NAGLU: variants seen among roughly 807,000 people sequenced by gnomAD.
NAGLU encodes the protein N-acetyl-alpha-glucosaminidase.
NAGLU carries 34 observed loss-of-function variants against 43.4 expected under a neutral mutation model. The observed-to-expected ratio is 0.78, with a 90% CI of 0.60 to 1.04. The LOEUF (loss-of-function observed/expected upper bound fraction) is 1.04, where lower values mean the gene tolerates loss of function less well. Among genes scored for constraint, NAGLU ranks in the 50% least tolerant of loss-of-function variants. NAGLU has a pLI of 0.00. For synonymous variants in NAGLU, 425 were observed against 437.6 expected (o/e 0.97, Z 0.36); for missense variants, 910 against 993.7 (o/e 0.92, Z 1.13).
rs561228142 is a variant in NAGLU, at chr17:42,536,700, C to T, written c.383+45C>T. 462 of 1,386,316 alleles carry T rather than the reference C, an allele frequency of 3.3e-4. 2 individuals are homozygous for T. In the Middle Eastern group the frequency reaches 3.6e-3, roughly 11 times the overall value. The allele number at this position is 1,386,316 out of a possible 1,614,324, so 85.9% of individuals were successfully genotyped here. On this transcript the variant is annotated intron_variant, in intron 1 of 5. Coordinates refer to ENST00000225927, the MANE Select transcript of NAGLU (RefSeq NM_000263.4). ...CCGCGTCCGCCCGAGGCGCTTACCC[C>T]CTCCCGGAGCCGCTGCCACCCAAAT...
At position 42,538,731 on chromosome 17, in the gene NAGLU, G is replaced by C; in HGVS notation, c.740G>C (p.Gly247Ala). Residue 247 changes from glycine to alanine, a missense_variant, in exon 4 of 6, where the codon GGG (glycine) becomes GCG (alanine). Physicochemically the swap from Gly to Ala is moderately conservative, Grantham distance 60. Transcript: ENST00000225927. ...ACCCCAGTGCTGCCTGCATTCGCGG[G>C]GCATGTTCCCGAGGCTGTCACCAGG... is the stretch of plus-strand genomic sequence containing the variant. ...GMTPVLPAFA[G>A]HVPEAVTRVF... 1 of 1,614,016 alleles carries C rather than the reference G, an allele frequency of 6.2e-7. No homozygotes were observed. The highest frequency in any genetic ancestry group is 8.5e-7 in the Non-Finnish European group (1 of 1,180,038).
rs1158872840 is a variant in NAGLU at position 42,536,348 on chromosome 17, G to T, written c.76G>T (p.Ala26Ser). 2 of 1,205,276 alleles carry T rather than the reference G, an allele frequency of 1.7e-6. No homozygotes were observed. The highest frequency in any genetic ancestry group is 1.6e-5 in the African/African-American group (1 of 63,052). The allele number at this position is 1,205,276 out of a possible 1,614,324, so 74.7% of individuals were successfully genotyped here. A position where few individuals can be genotyped will look rare whatever the true frequency, so the allele number is the denominator to read the frequency against. ...AGAGGAAGDEAREAAAVRALV... is the reference protein window; with the variant it reads ...AGAGGAAGDESREAAAVRALV... ...GGCCGGGGGCGCGGCAGGCGACGAG[G>T]CCCGGGAGGCGGCGGCCGTGCGGGC... Residue 26 changes from alanine to serine, a missense_variant, in exon 1 of 6, where the codon GCC (alanine) becomes TCC (serine). Ala to Ser is a moderately conservative substitution (Grantham distance 99). Coordinates refer to ENST00000225927, the MANE Select transcript of NAGLU (RefSeq NM_000263.4).
chr17:42,537,191 G>A (rs2092908718), intron 1 of NAGLU: 2 of 657,660 alleles, frequency 3.0e-6, no homozygotes, highest in African/African-American at 3.6e-5. Context: ...CAGGCTAGAG[G>A]GCCCTGGGAG....
At position 42,537,416 on chromosome 17, in the gene NAGLU, T is replaced by C; in HGVS notation, c.402T>C (p.Asn134=). The change falls in exon 2 of 6, where the codon AAT becomes AAC. Residue 134 remains asparagine (N), a synonymous_variant. Coordinates refer to ENST00000225927, the MANE Select transcript of NAGLU (RefSeq NM_000263.4). ...ATPNRYRYYQ[N]VCTQSYSFVW... ...CCCGCAGGTACCGCTATTACCAGAA[T>C]GTGTGCACGCAAAGCTACTCTTTCG... 1 of 1,614,176 alleles carries C rather than the reference T, an allele frequency of 6.2e-7. No homozygotes were observed. Among genetic ancestry groups the C allele is most frequent in the Non-Finnish European group, 8.5e-7 (1 of 1,180,004 alleles).
At position 42,543,278 on chromosome 17, in the gene NAGLU, C is replaced by G. The variant is rs200715586; in HGVS notation, c.1272C>G (p.Asn424Lys). 6.2e-7 allele frequency: 1 copy of G among 1,613,840 alleles called. No individual in the cohort carries two copies. The highest frequency in any genetic ancestry group is 1.3e-5 in the African/African-American group (1 of 74,958). Residue 424 changes from asparagine (N) to lysine (K), a missense_variant, in exon 6 of 6, where the codon AAC (asparagine) becomes AAG (lysine). By Grantham distance (94) the Asn-to-Lys change is moderately conservative (BLOSUM62 0). Coordinates refer to ENST00000225927, the MANE Select transcript of NAGLU (RefSeq NM_000263.4). ...TTTTTGGAGCCCTAGAGGCTGTGAA[C>G]GGAGGCCCAGAAGCTGCCCGCCTCT... Reference protein sequence around the residue: ...HGLFGALEAVNGGPEAARLFP... With the variant: ...HGLFGALEAVKGGPEAARLFP...
intron 5 of NAGLU, among the ~76,000 whole-genome samples, chr17:42,542,293 A>G (rs2092923427): frequency 6.6e-6 from 1 of 152,106 alleles, no homozygotes. Context: ...CAAACTCCTG[A>G]CCTCAAATGA....
In NAGLU at chr17:42,536,610, C is replaced by T. The variant is rs1009208330; in HGVS notation, c.338C>T (p.Pro113Leu). The T allele has an allele frequency of 4.3e-5, 64 of 1,491,766 alleles. No individual in the cohort carries two copies. Among genetic ancestry groups the T allele is most frequent in the Non-Finnish European group, 5.6e-5 (63 of 1,129,110 alleles). 92.4% of individuals were successfully genotyped at this position (1,491,766 alleles called of 1,614,324 possible). Residue 113 changes from proline (P) to leucine (L), a missense_variant, in exon 1 of 6, where the codon CCA (proline) becomes CTA (leucine). Pro to Leu is a moderately conservative substitution (Grantham distance 98, BLOSUM62 -3). Coordinates refer to ENST00000225927, the MANE Select transcript of NAGLU (RefSeq NM_000263.4). ...WSGSQLRLPR[P>L]LPAVPGELTE... ...GGCTCTCAGCTGCGCCTGCCGCGGC[C>T]ACTGCCAGCCGTGCCGGGGGAGCTG...
At chr17:42,542,530 G>C (rs773373707) in intron 5 of NAGLU, among the ~76,000 whole-genome samples, 7 of 152,138 alleles carry the variant, frequency 4.6e-5, no homozygotes, top group South Asian at 4.1e-4. Context: ...ATCTTACTCT[G>C]TCGCCCAGAC....
chr17:42,536,371 G>C lies in NAGLU; in HGVS notation c.99G>C (p.Arg33=). 1 of 1,192,506 alleles carries C rather than the reference G, an allele frequency of 8.4e-7. No individual in the cohort carries two copies. The highest frequency in any genetic ancestry group is 1.0e-6 in the Non-Finnish European group (1 of 964,092). The allele number at this position is 1,192,506 out of a possible 1,614,324, so 73.9% of individuals were successfully genotyped here. A position where few individuals can be genotyped will look rare whatever the true frequency, so the allele number is the denominator to read the frequency against. Residue 33 remains arginine, a synonymous_variant, in exon 1 of 6, where the codon CGG becomes CGC. Transcript: ENST00000225927. ...AGGCCCGGGAGGCGGCGGCCGTGCGGGCGCTCGTGGCCCGGCTGCTGGGGC... is the reference window on the plus strand; with the variant it reads ...AGGCCCGGGAGGCGGCGGCCGTGCGCGCGCTCGTGGCCCGGCTGCTGGGGC... ...GDEAREAAAV[R]ALVARLLGPG...
At chr17:42,536,861 G>A in intron 1 of NAGLU, 23 of 1,034,208 alleles carry the variant, frequency 2.2e-5, no homozygotes, top group Non-Finnish European at 2.9e-5. Flanking sequence ...GACGCCTACC[G>A]TGCAGTGTTA....
At chr17:42,536,676 C>A (rs2092907266) in intron 1 of NAGLU, 21 bp downstream of exon 1, 1 of 1,458,684 alleles carries the variant, frequency 6.9e-7, no homozygotes, top group South Asian at 1.3e-5. Flanking sequence ...GAAGCTTCCC[C>A]GCGTCCGCCC....
At chr17:42,540,601 C>T (rs2143096046) in intron 4 of NAGLU, among the ~76,000 whole-genome samples, 1 of 148,840 alleles carries the variant, frequency 6.7e-6, no homozygotes, top group Non-Finnish European at 1.5e-5. Flanking sequence ...GAGGCTGAGG[C>T]AGGAGAATGG....
In NAGLU at chr17:42,544,246, G is replaced by A. The variant is rs748627460; in HGVS notation, c.*8G>A. ...GTGGCCGGCTCTTGGTGATAGATTC[G>A]CCACCACTGGGCCTTGTTTTCCGCT... On this transcript the variant is annotated 3_prime_UTR_variant, in exon 6 of 6. Coordinates refer to ENST00000225927, the MANE Select transcript of NAGLU (RefSeq NM_000263.4). 23 of 1,606,846 alleles carry A rather than the reference G, an allele frequency of 1.4e-5. No homozygotes were observed. Among genetic ancestry groups the A allele is most frequent in the Middle Eastern group, 1.6e-4 (1 of 6,084 alleles).
chr17:42,539,359 G>A (rs1421558649), intron 4 of NAGLU, among the ~76,000 whole-genome samples: 1 of 152,244 alleles, frequency 6.6e-6, no homozygotes, highest in Non-Finnish European at 1.5e-5. Context: ...GTGCTCCAGT[G>A]TCCCTTGTCC....
rs771151036 is a variant in NAGLU at position 42,543,283 on chromosome 17, G to A, written c.1277G>A (p.Gly426Asp). 1.9e-6 allele frequency: 3 copies of A among 1,613,760 alleles called. No homozygotes were observed. The highest frequency in any genetic ancestry group is 2.5e-6 in the Non-Finnish European group (3 of 1,180,058). Residue 426 changes from glycine to aspartate, a missense_variant, in exon 6 of 6, where the codon GGC becomes GAC. Physicochemically the swap from Gly to Asp is moderately conservative, Grantham distance 94 (BLOSUM62 -1). Coordinates refer to ENST00000225927, the MANE Select transcript of NAGLU (RefSeq NM_000263.4). ...GGAGCCCTAGAGGCTGTGAACGGAGGCCCAGAAGCTGCCCGCCTCTTCCCC... is the reference window on the plus strand; with the variant it reads ...GGAGCCCTAGAGGCTGTGAACGGAGACCCAGAAGCTGCCCGCCTCTTCCCC... ...LFGALEAVNG[G>D]PEAARLFPNS...
Position 42,544,346 on chromosome 17 carries a change from C to G in NAGLU, c.*108C>G. 2.6e-6 allele frequency: 4 copies of G among 1,530,780 alleles called. No homozygotes were observed. In the South Asian group the frequency reaches 4.6e-5, roughly 18 times the overall value. The allele number at this position is 1,530,780 out of a possible 1,614,324, so 94.8% of individuals were successfully genotyped here. A position where few individuals can be genotyped will look rare whatever the true frequency, so the allele number is the denominator to read the frequency against. ...AACCCAGGCCTGGGAGGAGGCCCCA[C>G]GGCCTGCTGGTGGGGTCTGACCTGG... is the stretch of plus-strand genomic sequence containing the variant. On this transcript the variant is annotated 3_prime_UTR_variant, in exon 6 of 6. Coordinates refer to ENST00000225927, the MANE Select transcript of NAGLU (RefSeq NM_000263.4).
At position 42,543,590 on chromosome 17, in the gene NAGLU, C is replaced by A. The variant is rs761825679; in HGVS notation, c.1584C>A (p.Ser528Arg). ...VRRPSLQMNT[S>R]IWYNRSDVFE... Reference sequence around the variant, plus strand: ...GGCCGTCCCTACAGATGAATACCAGCATCTGGTACAACCGATCTGATGTGT... The same window carrying A: ...GGCCGTCCCTACAGATGAATACCAGAATCTGGTACAACCGATCTGATGTGT... Residue 528 changes from serine (S) to arginine (R), a missense_variant, in exon 6 of 6, where the codon AGC becomes AGA. Ser to Arg is a moderately radical substitution (Grantham distance 110). Transcript: ENST00000225927. 2 of 1,613,054 alleles carry A rather than the reference C, an allele frequency of 1.2e-6. No homozygotes were observed. Among genetic ancestry groups the A allele is most frequent in the South Asian group, 2.2e-5 (2 of 91,082 alleles).
rs2092927319 is a variant in NAGLU, at chr17:42,543,449, G to A, written c.1443G>A (p.Arg481=). The change falls in exon 6 of 6, where the codon CGG becomes CGA. Residue 481 remains arginine (R), a synonymous_variant. Transcript: ENST00000225927. ...CCTGGGTGACCAGCTTTGCCGCCCG[G>A]CGGTATGGGGTCTCCCACCCGGACG... ...LAAWVTSFAA[R]RYGVSHPDAG... is the part of the protein sequence containing the mutation. The A allele has an allele frequency of 1.9e-6, 3 of 1,598,264 alleles. No homozygotes were observed. The highest frequency in any genetic ancestry group is 1.7e-5 in the Admixed American group (1 of 57,900).
In NAGLU at chr17:42,541,034, G is replaced by A. The variant is rs201374620; in HGVS notation, c.849G>A (p.Pro283=). The A allele has an allele frequency of 8.7e-6, 14 of 1,614,164 alleles. No individual in the cohort carries two copies. Among genetic ancestry groups the A allele is most frequent in the East Asian group, 2.2e-5 (1 of 44,882 alleles). ...ACTCCTGCTCCTTCCTTCTGGCTCC[G>A]GAAGACCCCATATTCCCCATCATCG... ...CSYSCSFLLA[P]EDPIFPIIGS... The change falls in exon 5 of 6, where the codon CCG becomes CCA. Residue 283 remains proline, a synonymous_variant. Transcript: ENST00000225927.
Sources: allele counts gnomAD v4.1 joint callset (sites outside exome capture counted in the v4.1 genomes callset), GRCh38; gene constraint gnomAD v4.1.1; transcripts MANE v1.5; gene names NCBI Gene and HGNC (gene_info 2026-07-23, HGNC 2026-07-21).